The following ANAPC10 variants were observed in gnomAD, a reference collection of about 807,000 sequenced individuals.
ANAPC10 encodes the protein anaphase promoting complex subunit 10, also known as anaphase-promoting complex subunit 10.
In ANAPC10, 12 loss-of-function variants were observed where a neutral mutation model predicts 22.0. That is an observed-to-expected ratio of 0.55 (90% CI 0.35 to 0.88). The LOEUF (loss-of-function observed/expected upper bound fraction) is 0.88. Among genes scored for constraint, ANAPC10 ranks in the 40% least tolerant of loss-of-function variants. The pLI is 0.01. For synonymous variants in ANAPC10, 65 were observed against 69.5 expected, an observed-to-expected ratio of 0.94 and a Z score of 0.32; for missense variants, 188 against 220.9, an observed-to-expected ratio of 0.85 and a Z score of 0.94.
At chr4:145,067,801 C>A (rs1346709614) in intron 3 of ANAPC10, among the ~76,000 whole-genome samples, 2 of 152,148 alleles carry the variant, frequency 1.3e-5, no homozygotes, top group African/African-American at 4.8e-5. Context: ...CCCTTTATCC[C>A]CTCTTTCTTC....
intron 4 of ANAPC10, among the ~76,000 whole-genome samples, chr4:145,008,818 A>G (rs1733832833): frequency 6.6e-6 from 1 of 152,164 alleles, no homozygotes. Flanking sequence ...TATTCAACAT[A>G]GTGTTGGAAG....
intron 4 of ANAPC10, among the ~76,000 whole-genome samples, chr4:145,000,367 A>G (rs1560802491): frequency 6.6e-6 from 1 of 152,154 alleles, no homozygotes; most frequent in Non-Finnish European, 1.5e-5. Context: ...CAAGAAAAAA[A>G]AACCATCAAA....
At chr4:145,006,615 G>A (rs1733409483) in intron 4 of ANAPC10, among the ~76,000 whole-genome samples, 1 of 151,974 alleles carries the variant, frequency 6.6e-6, no homozygotes, top group Admixed American at 6.6e-5. Flanking sequence ...TGTCATTTTT[G>A]TAGGTCAAAA....
chr4:145,007,868 C>A (rs1733656303), intron 4 of ANAPC10, among the ~76,000 whole-genome samples: 2 of 145,486 alleles, frequency 1.4e-5, no homozygotes, highest in Non-Finnish European at 3.0e-5. Context: ...AAAAACCCTT[C>A]AAAAAAAAAA....
intron 3 of ANAPC10, among the ~76,000 whole-genome samples, chr4:145,072,921 A>T (rs1327694697): frequency 6.6e-6 from 1 of 150,694 alleles, no homozygotes; most frequent in African/African-American, 2.4e-5. Flanking sequence ...TTTAGGAGAC[A>T]GGGTCTCGCT....
In ANAPC10 at chr4:144,995,308, T is replaced by C; in HGVS notation, c.*65A>G. The C allele has an allele frequency of 9.8e-7, 1 of 1,018,078 alleles. No individual in the cohort carries two copies. The highest frequency in any genetic ancestry group is 1.5e-6 in the Non-Finnish European group (1 of 679,426). 63.1% of individuals were successfully genotyped at this position (1,018,078 alleles called of 1,614,324 possible). On this transcript the variant is annotated 3_prime_UTR_variant, in exon 5 of 5. Coordinates refer to ENST00000507656, the MANE Select transcript of ANAPC10 (RefSeq NM_001256706.2). ...GGATGCCTTGTTCAATAAAGGTACATGATATATTATTTAAATACAGGATAA... is the reference window on the plus strand; with the variant it reads ...GGATGCCTTGTTCAATAAAGGTACACGATATATTATTTAAATACAGGATAA...
intron 4 of ANAPC10, among the ~76,000 whole-genome samples, chr4:145,018,980 G>C (rs1028786422): frequency 6.6e-5 from 10 of 152,052 alleles, no homozygotes; most frequent in Non-Finnish European, 1.5e-4. Context: ...AAATGAGATA[G>C]ACAGCAACAC....
Position 145,008,421 on chromosome 4 carries a change from G to A in ANAPC10, c.328-12818C>T, listed in dbSNP as rs143158609. Among the ~76,000 whole-genome samples, 1,076 of 152,186 alleles carry A rather than the reference G, an allele frequency of 7.1e-3. 11 individuals are homozygous for A. Among genetic ancestry groups the A allele is most frequent in the Non-Finnish European group, 0.011 (781 of 68,004 alleles). ...TAGACCAATATCCCTGATGAACATC[G>A]GTGCAAAAATCATCAATAAAATACT... On this transcript the variant is annotated intron_variant, in intron 4 of 4. Coordinates refer to ENST00000507656, the MANE Select transcript of ANAPC10 (RefSeq NM_001256706.2).
At chr4:145,085,046 T>G (rs1746655593) in intron 2 of ANAPC10, among the ~76,000 whole-genome samples, 1 of 152,114 alleles carries the variant, frequency 6.6e-6, no homozygotes, top group African/African-American at 2.4e-5. Flanking sequence ...GAATATTAGG[T>G]AATGCAAGTT....
chr4:145,073,461 G>C (rs560852806), intron 3 of ANAPC10, among the ~76,000 whole-genome samples: 4 of 152,164 alleles, frequency 2.6e-5, no homozygotes, highest in Non-Finnish European at 5.9e-5. Context: ...TTTATGAACA[G>C]TGTAATTTGG....
chr4:145,016,678 A>T (rs1735210511), intron 4 of ANAPC10, among the ~76,000 whole-genome samples: 1 of 152,224 alleles, frequency 6.6e-6, no homozygotes, highest in East Asian at 1.9e-4. Context: ...TCCTAAGCAA[A>T]AAGAACAAAG....
At position 145,040,985 on chromosome 4, in the gene ANAPC10, G is replaced by A. The variant is rs145746210; in HGVS notation, c.327+23587C>T. 5.5e-3 allele frequency among the ~76,000 whole-genome samples: 836 copies of A among 152,012 alleles called. 1 individual carries two copies. Among genetic ancestry groups the A allele is most frequent in the Middle Eastern group, 0.01 (3 of 292 alleles). On this transcript the variant is annotated intron_variant, in intron 4 of 4. Transcript: ENST00000507656. ...AACAAAGTTCTTACTACAGATCTAC[G>A]CAGAGGTAAAAATCCAATATACACC...
chr4:145,051,903 G>C (rs1019921128), intron 4 of ANAPC10, among the ~76,000 whole-genome samples: 3 of 152,072 alleles, frequency 2.0e-5, no homozygotes, highest in African/African-American at 7.3e-5. Context: ...GTACCTTTTA[G>C]TCAACCTCAG....
chr4:145,007,676 C>T (rs1336538903), intron 4 of ANAPC10, among the ~76,000 whole-genome samples: 1 of 152,022 alleles, frequency 6.6e-6, no homozygotes, highest in African/African-American at 2.4e-5. Flanking sequence ...ACATTTAAAG[C>T]AGTGTGTAGA....
At chr4:145,087,255 A>G (rs1747032339) in intron 2 of ANAPC10, among the ~76,000 whole-genome samples, 1 of 152,198 alleles carries the variant, frequency 6.6e-6, no homozygotes, top group South Asian at 2.1e-4. Context: ...CACTAGAGAC[A>G]TATTTGAGCA....
At chr4:145,023,844 T>C (rs1309181611) in intron 4 of ANAPC10, among the ~76,000 whole-genome samples, 3 of 152,178 alleles carry the variant, frequency 2.0e-5, no homozygotes, top group Non-Finnish European at 2.9e-5. Context: ...ACAATGATGG[T>C]TGCCACAATG....
intron 4 of ANAPC10, among the ~76,000 whole-genome samples, chr4:145,007,259 G>C (rs1733527967): frequency 6.6e-6 from 1 of 152,016 alleles, no homozygotes; most frequent in African/African-American, 2.4e-5. Context: ...AGGATATTCA[G>C]GACTTGAACT....
intron 4 of ANAPC10, among the ~76,000 whole-genome samples, chr4:145,002,314 A>C (rs1732694397): frequency 6.6e-6 from 1 of 152,218 alleles, no homozygotes; most frequent in Non-Finnish European, 1.5e-5. Flanking sequence ...AAGCAGCTTA[A>C]GAAGAAAGAC....
intron 3 of ANAPC10, among the ~76,000 whole-genome samples, chr4:145,073,846 C>T (rs1233792102): frequency 1.3e-5 from 2 of 151,720 alleles, no homozygotes; most frequent in African/African-American, 2.4e-5. Flanking sequence ...ATGTTATTAC[C>T]ATGATAAAAA....
Sources: gnomAD v4.1 joint callset for allele counts (sites outside exome capture counted in the v4.1 genomes callset) on GRCh38, gnomAD v4.1.1 for gene constraint, MANE v1.5 for transcripts, NCBI Gene and HGNC (gene_info 2026-07-23, HGNC 2026-07-21) for gene names.